Variants in DSCAM observed in about 807,000 individuals in gnomAD.
DSCAM encodes the protein DS cell adhesion molecule.
DSCAM carries 47 observed loss-of-function variants against 217.7 expected under a neutral mutation model. The observed-to-expected ratio is 0.22, with a 90% CI of 0.17 to 0.28. The LOEUF is 0.28. DSCAM is among the 10% of genes least tolerant of loss of function. DSCAM has a pLI of 1.00. For missense variants in DSCAM, 2,080 were observed against 2,618.3 expected (o/e 0.79, Z 4.49); for synonymous variants, 1,056 against 1,015.3 (o/e 1.04, Z -0.76).
chr21:40,381,081 A>AAAAG (rs2075019439), intron 3 of DSCAM, among the ~76,000 whole-genome samples: 1 of 150,762 alleles, frequency 6.6e-6, no homozygotes. Flanking sequence ...AAAAAAAAAA[A>AAAAG]AAAGAAAATA....
chr21:40,619,863 A>G (rs1425556411), intron 3 of DSCAM, among the ~76,000 whole-genome samples: 1 of 151,560 alleles, frequency 6.6e-6, no homozygotes, highest in Non-Finnish European at 1.5e-5. Flanking sequence ...AAAGCTCAAC[A>G]TATTAGTAAT....
intron 1 of DSCAM, among the ~76,000 whole-genome samples, chr21:40,832,212 G>A (rs531985788): frequency 6.6e-6 from 1 of 152,178 alleles, no homozygotes; most frequent in African/African-American, 2.4e-5. Context: ...TCTTTACGAT[G>A]GTCATAATAA....
At chr21:40,597,480 A>C (rs1471519882) in intron 3 of DSCAM, among the ~76,000 whole-genome samples, 1 of 102,098 alleles carries the variant, frequency 9.8e-6, no homozygotes, top group Non-Finnish European at 2.1e-5. Context: ...TTTTTAACCT[A>C]TCTTTTTTAC....
chr21:40,691,589 T>G (rs1299342713), intron 3 of DSCAM, among the ~76,000 whole-genome samples: 1 of 152,002 alleles, frequency 6.6e-6, no homozygotes, highest in Non-Finnish European at 1.5e-5. Context: ...TATAAGGGAG[T>G]CTCTATTCTG....
At chr21:40,176,413 A>G (rs967749532) in intron 15 of DSCAM, among the ~76,000 whole-genome samples, 1 of 152,018 alleles carries the variant, frequency 6.6e-6, no homozygotes, top group Non-Finnish European at 1.5e-5. Context: ...CCATATGAGG[A>G]ATAAGGGAAC....
rs1169591892 is a variant in DSCAM, at chr21:40,203,061, T to C, written c.2357-13823A>G. The stretch of plus-strand genomic sequence containing the variant: ...GAAGGAGGTTTTGTAAATATGAGTA[T>C]AAAAATTGAGGCACAGAGAGGCTAA... On this transcript the variant is annotated intron_variant, in intron 11 of 32. Transcript: ENST00000400454. Among the ~76,000 whole-genome samples, 4 of 152,186 alleles carry C rather than the reference T, an allele frequency of 2.6e-5. No homozygotes were observed. In the East Asian group the frequency reaches 5.8e-4, roughly 22 times the overall value.
At chr21:40,655,336 T>G (rs985264007) in intron 3 of DSCAM, among the ~76,000 whole-genome samples, 6 of 152,160 alleles carry the variant, frequency 3.9e-5, no homozygotes, top group African/African-American at 1.2e-4. Flanking sequence ...ACAGACAGAT[T>G]TGGTGTCTAG....
At chr21:40,080,394 G>C in intron 24 of DSCAM, 54 bp from the exon 25 acceptor site, 4 of 1,399,206 alleles carry the variant, frequency 2.9e-6, no homozygotes, top group Non-Finnish European at 3.8e-6. Flanking sequence ...TCTATGGGAA[G>C]TGGACTGATG....
chr21:40,624,724 A>G (rs1168537040), intron 3 of DSCAM, among the ~76,000 whole-genome samples: 5 of 152,190 alleles, frequency 3.3e-5, no homozygotes, highest in Non-Finnish European at 7.3e-5. Context: ...AAAAAGAAAT[A>G]TTAGATTAGG....
intron 3 of DSCAM, among the ~76,000 whole-genome samples, chr21:40,426,332 G>T (rs532649331): frequency 5.9e-5 from 9 of 152,182 alleles, no homozygotes; most frequent in Non-Finnish European, 7.3e-5. Context: ...AACCTGTGCT[G>T]CTTCCTTTTC....
At chr21:40,266,647 A>ATATATATATATT (rs530209295) in intron 11 of DSCAM, among the ~76,000 whole-genome samples, 4,436 of 116,094 alleles carry the variant, frequency 0.038, 213 homozygotes, top group African/African-American at 0.092. Flanking sequence ...ATATATATAT[A>ATATATATATATT]TATATATATA....
At chr21:40,072,034 C>A (rs1424325978) in intron 27 of DSCAM, among the ~76,000 whole-genome samples, 1 of 152,204 alleles carries the variant, frequency 6.6e-6, no homozygotes, top group African/African-American at 2.4e-5. Context: ...CAGTGCTTTG[C>A]ACAGTTACGG....
At chr21:40,305,389 CAA>C (rs58738453) in intron 9 of DSCAM, among the ~76,000 whole-genome samples, 7 of 68,554 alleles carry the variant, frequency 1.0e-4, no homozygotes, top group Admixed American at 5.1e-4. Flanking sequence ...GATCCCGTCT[CAA>C]AAAAAAAAAA....
At chr21:40,494,716 A>G (rs569650619) in intron 3 of DSCAM, among the ~76,000 whole-genome samples, 9 of 152,056 alleles carry the variant, frequency 5.9e-5, no homozygotes, top group Non-Finnish European at 1.2e-4. Context: ...AAAGGAGAAC[A>G]AACTAAGCCC....
intron 3 of DSCAM, among the ~76,000 whole-genome samples, chr21:40,584,844 A>G (rs1193548915): frequency 6.6e-6 from 1 of 152,124 alleles, no homozygotes; most frequent in Non-Finnish European, 1.5e-5. Context: ...TCCAAATCTC[A>G]TGTTGAAGTG....
intron 3 of DSCAM, among the ~76,000 whole-genome samples, chr21:40,424,829 C>A (rs12482021): frequency 0.046 from 7,059 of 152,156 alleles, 376 homozygotes; most frequent in Admixed American, 0.16. Flanking sequence ...ACAGGCCAGT[C>A]GCACATGTAA....
chr21:40,603,800 T>A (rs2077080754), intron 3 of DSCAM, among the ~76,000 whole-genome samples: 1 of 152,154 alleles, frequency 6.6e-6, no homozygotes, highest in Non-Finnish European at 1.5e-5. Flanking sequence ...AAGTCCAGTA[T>A]AATTCTTAGC....
Position 40,167,083 on chromosome 21 carries a change from A to T in DSCAM, c.3018+135T>A, listed in dbSNP as rs2090603290. On this transcript the variant is annotated intron_variant, in intron 16 of 32. Transcript: ENST00000400454. The stretch of plus-strand genomic sequence containing the variant: ...GGATACAAATACTGCATTTTAAGAA[A>T]AGGGCTTTCAACTTAATTTTGAAAA... The T allele has an allele frequency of 1.1e-5, 8 of 706,146 alleles. No individual in the cohort carries two copies. In the South Asian group the frequency reaches 1.4e-4, roughly 13 times the overall value. The allele number at this position is 706,146 out of a possible 1,614,324, so 43.7% of individuals were successfully genotyped here. A position where few individuals can be genotyped will look rare whatever the true frequency, so the allele number is the denominator to read the frequency against.
chr21:40,207,118 C>T (rs528002180), intron 11 of DSCAM, among the ~76,000 whole-genome samples: 44 of 150,050 alleles, frequency 2.9e-4, no homozygotes, highest in East Asian at 1.6e-3. Context: ...AAAGTCAAAC[C>T]GAAAAAAAAT....
Sources: gnomAD v4.1 joint callset for allele counts (sites outside exome capture counted in the v4.1 genomes callset) on GRCh38, gnomAD v4.1.1 for gene constraint, MANE v1.5 for transcripts, NCBI Gene and HGNC (gene_info 2026-07-23, HGNC 2026-07-21) for gene names.